The following SORT1 variants were observed in gnomAD, a reference collection of about 807,000 sequenced individuals.
SORT1 encodes the protein sortilin 1.
In SORT1, 39 loss-of-function variants were observed where a neutral mutation model predicts 101.7. The ratio of observed to expected loss-of-function variants is 0.38; its 90% CI spans 0.30 to 0.50. SORT1 has a LOEUF of 0.50. SORT1 is among the 20% of genes least tolerant of loss of function. SORT1 has a pLI of 0.90. For synonymous variants in SORT1, 396 were observed against 393.7 expected (o/e 1.01, Z -0.07); for missense variants, 878 against 1,040.4 (o/e 0.84, Z 2.15).
intron 3 of SORT1, among the ~76,000 whole-genome samples, chr1:109,362,366 A>C (rs1346238027): frequency 6.6e-6 from 1 of 152,174 alleles, no homozygotes; most frequent in East Asian, 1.9e-4. Context: ...ATGACAACCA[A>C]CTGCACTGAG....
intron 1 of SORT1, among the ~76,000 whole-genome samples, chr1:109,391,020 A>T (rs1652889837): frequency 6.6e-6 from 1 of 152,156 alleles, no homozygotes; most frequent in South Asian, 2.1e-4. Flanking sequence ...GAAGAAAAAA[A>T]GCCCCAGTTT....
At chr1:109,342,706 G>C (rs1194458436) in intron 8 of SORT1, among the ~76,000 whole-genome samples, 1 of 152,206 alleles carries the variant, frequency 6.6e-6, no homozygotes, top group African/African-American at 2.4e-5. Context: ...TAGCCAGGAT[G>C]AAGGGAACAG....
At chr1:109,392,654 T>C (rs1025310994) in intron 1 of SORT1, 2 of 985,154 alleles carry the variant, frequency 2.0e-6, no homozygotes, top group Non-Finnish European at 2.4e-6. Context: ...TCTACTCTCA[T>C]CCCAACCAAA....
Position 109,355,364 on chromosome 1 carries a change from C to G in SORT1, c.543+3G>C. 1 of 1,498,942 alleles carries G rather than the reference C, an allele frequency of 6.7e-7. No homozygotes were observed. Among genetic ancestry groups the G allele is most frequent in the Non-Finnish European group, 9.3e-7 (1 of 1,075,000 alleles). 92.9% of individuals were successfully genotyped at this position (1,498,942 alleles called of 1,614,324 possible). ...GCTTTATGTATACAAGAATGAGTCT[C>G]ACCTTTCCAGAGTTCTCAGGACCAA... On this transcript the variant is annotated splice_donor_region_variant and intron_variant, in intron 4 of 19. Coordinates refer to ENST00000256637, the MANE Select transcript of SORT1 (RefSeq NM_002959.7).
At chr1:109,343,777 T>C (rs1365580315) in intron 8 of SORT1, among the ~76,000 whole-genome samples, 1 of 152,154 alleles carries the variant, frequency 6.6e-6, no homozygotes, top group Non-Finnish European at 1.5e-5. Context: ...GCCTCCCGAG[T>C]AGCTGGGATT....
intron 13 of SORT1, 47 bp from the exon 14 acceptor site, chr1:109,325,136 C>G: frequency 7.7e-7 from 1 of 1,304,676 alleles, no homozygotes; most frequent in Non-Finnish European, 1.0e-6. Flanking sequence ...TCAATGTGTA[C>G]TGGGAATTCA....
At chr1:109,375,918 T>C (rs1651802794) in intron 1 of SORT1, among the ~76,000 whole-genome samples, 1 of 152,072 alleles carries the variant, frequency 6.6e-6, no homozygotes, top group Non-Finnish European at 1.5e-5. Flanking sequence ...CTAGAAAGAA[T>C]GACTATTACT....
chr1:109,353,919 A>G (rs369893147), intron 5 of SORT1, among the ~76,000 whole-genome samples: 1 of 152,240 alleles, frequency 6.6e-6, no homozygotes, highest in South Asian at 2.1e-4. Flanking sequence ...AAGACTTTGG[A>G]TATTTAATAC....
rs1170109298 is a variant in SORT1, at chr1:109,394,195, G to GC, written c.306+3391_306+3392insG. On this transcript the variant is annotated intron_variant, in intron 1 of 19. Coordinates refer to ENST00000256637, the MANE Select transcript of SORT1 (RefSeq NM_002959.7). ...CGTTTTCTTGTCATCCCTTTTGTTT[G>GC]TTTTTTTAGTAATAGCCAGTATTTT... 7.2e-5 allele frequency among the ~76,000 whole-genome samples: 11 copies of GC among 152,022 alleles called. No homozygotes were observed. In the East Asian group the frequency reaches 2.1e-3, roughly 29 times the overall value.
At chr1:109,317,752 TGCTCTAAAGTAGG>T in intron 16 of SORT1, 88 bp downstream of exon 16, 1 of 793,682 alleles carries the variant, frequency 1.3e-6, no homozygotes, top group Non-Finnish European at 2.1e-6. Flanking sequence ...CCAAAAATAG[TGCTCTAAAGTAGG>T]GCTTGGATCT....
chr1:109,350,613 A>C lies in SORT1; in HGVS notation c.782+316T>G, dbSNP rs931102124. On this transcript the variant is annotated intron_variant, in intron 6 of 19. Transcript: ENST00000256637. ...GAGAAGTATTTAAATCCCTAAATTAAAGCTATATTTTATTGTATTTTAATT... is the reference window on the plus strand; with the variant it reads ...GAGAAGTATTTAAATCCCTAAATTACAGCTATATTTTATTGTATTTTAATT... Among the ~76,000 whole-genome samples the C allele has an allele frequency of 1.4e-4, 22 of 152,166 alleles. 1 individual carries two copies. Among genetic ancestry groups the C allele is most frequent in the African/African-American group, 4.8e-4 (20 of 41,426 alleles).
intron 3 of SORT1, among the ~76,000 whole-genome samples, chr1:109,362,272 C>T (rs1217340117): frequency 6.6e-6 from 1 of 152,148 alleles, no homozygotes; most frequent in African/African-American, 2.4e-5. Context: ...AAACCTAACC[C>T]TATATGTCCC....
rs1249607996 is a variant in SORT1 at position 109,362,163 on chromosome 1, T to C, written c.440+5245A>G. On this transcript the variant is annotated intron_variant, in intron 3 of 19. Coordinates refer to ENST00000256637, the MANE Select transcript of SORT1 (RefSeq NM_002959.7). ...GAATTCAGTGTTAATGAATCAATAA[T>C]ACACATTAAATAAGGTATCTTTAAA... 1.1e-4 allele frequency among the ~76,000 whole-genome samples: 16 copies of C among 152,172 alleles called. 1 individual carries two copies. Among genetic ancestry groups the C allele is most frequent in the Admixed American group, 1.0e-3 (16 of 15,278 alleles).
chr1:109,362,044 C>T (rs910867081), intron 3 of SORT1, among the ~76,000 whole-genome samples: 29 of 152,016 alleles, frequency 1.9e-4, no homozygotes, highest in African/African-American at 6.3e-4. Flanking sequence ...TTTAGTGTTC[C>T]TAAACACAAG....
At chr1:109,359,672 G>A (rs1650580061) in intron 3 of SORT1, among the ~76,000 whole-genome samples, 1 of 151,950 alleles carries the variant, frequency 6.6e-6, no homozygotes, top group South Asian at 2.1e-4. Context: ...GCTAATTTTT[G>A]TATTTTTAGT....
chr1:109,342,726 G>A (rs1649311022), intron 8 of SORT1, among the ~76,000 whole-genome samples: 1 of 152,146 alleles, frequency 6.6e-6, no homozygotes, highest in African/African-American at 2.4e-5. Flanking sequence ...GGCATGGGCT[G>A]GAAAGAGGCC....
chr1:109,393,088 C>T lies in SORT1; in HGVS notation c.306+4499G>A, dbSNP rs116767369. The T allele has an allele frequency of 1.2e-5, 12 of 985,228 alleles. No homozygotes were observed. The East Asian group carries it at 3.4e-4, about 28-fold the overall frequency. The allele number at this position is 985,228 out of a possible 1,614,324, so 61.0% of individuals were successfully genotyped here. ...CACAACAACAGGCCGAGGTCTTCAG[C>T]GGCAGCTCCCTGAAGCCTCTGACAG... On this transcript the variant is annotated intron_variant, in intron 1 of 19. Transcript: ENST00000256637.
chr1:109,320,115 G>C (rs1383621739), intron 15 of SORT1, among the ~76,000 whole-genome samples: 1 of 152,040 alleles, frequency 6.6e-6, no homozygotes, highest in Non-Finnish European at 1.5e-5. Flanking sequence ...GTAGTCTTTT[G>C]CCGGGGGCAG....
intron 3 of SORT1, among the ~76,000 whole-genome samples, chr1:109,360,094 T>G (rs1650611639): frequency 6.6e-6 from 1 of 152,196 alleles, no homozygotes; most frequent in South Asian, 2.1e-4. Flanking sequence ...TTTAGTTATT[T>G]TTAAAGAGTA....
Sources: gnomAD v4.1 joint callset for allele counts (sites outside exome capture counted in the v4.1 genomes callset) on GRCh38, gnomAD v4.1.1 for gene constraint, MANE v1.5 for transcripts, NCBI Gene and HGNC (gene_info 2026-07-23, HGNC 2026-07-21) for gene names.